The following TBC1D12 variants were observed in gnomAD, a reference collection of about 807,000 sequenced individuals.
The protein encoded by TBC1D12 is TBC1 domain family member 12, also known as TBC1 domain family, member 12.
TBC1D12 carries 56 observed loss-of-function variants against 86.7 expected under a neutral mutation model. The observed-to-expected ratio is 0.65, with a 90% CI of 0.52 to 0.81. The LOEUF is 0.81. Ranked by LOEUF, TBC1D12 falls within the 30% of genes least tolerant of loss-of-function variation. The pLI is 0.00. For missense variants in TBC1D12, 1,023 were observed against 1,038.8 expected (o/e 0.98, Z 0.21); for synonymous variants, 421 against 411.7 (o/e 1.02, Z -0.27).
At chr10:94,511,440 G>A in intron 8 of TBC1D12, 143 bp from the exon 9 acceptor site, 1 of 638,154 alleles carries the variant, frequency 1.6e-6, no homozygotes, top group African/African-American at 1.9e-5. Context: ...AAAACATCTT[G>A]GCAGAGTACA....
intron 1 of TBC1D12, among the ~76,000 whole-genome samples, chr10:94,431,416 AAAAAAAAAAG>A (rs2055213273): frequency 7.7e-6 from 1 of 130,688 alleles, no homozygotes; most frequent in South Asian, 3.0e-4. Context: ...CTCTTAAAAA[AAAAAAAAAAG>A]AAAAGAAAGA....
chr10:94,498,775 T>G (rs1398790746), intron 5 of TBC1D12, among the ~76,000 whole-genome samples: 1 of 146,056 alleles, frequency 6.8e-6, no homozygotes, highest in African/African-American at 2.5e-5. Context: ...TTTTTGAGGG[T>G]TTTTTTTTTT....
chr10:94,470,828 A>T (rs1018559447), intron 2 of TBC1D12, among the ~76,000 whole-genome samples: 44 of 149,462 alleles, frequency 2.9e-4, no homozygotes, highest in African/African-American at 1.1e-3. Context: ...AATCTGTGCT[A>T]TTTTCTGATA....
chr10:94,460,138 A>G (rs1295463796), intron 2 of TBC1D12, among the ~76,000 whole-genome samples: 3 of 152,234 alleles, frequency 2.0e-5, no homozygotes, highest in Non-Finnish European at 4.4e-5. Context: ...ATGCTGAGGC[A>G]GGAGAATCGC....
rs552263728 is a variant in TBC1D12 at position 94,421,930 on chromosome 10, C to A, written c.971+18346C>A. ...TTCTTTACCTATTTTGGATTCTAGA[C>A]CCTTATCAGATAAATGATTTGCAAT... is the stretch of plus-strand genomic sequence containing the variant. On this transcript the variant is annotated intron_variant, in intron 1 of 12. Coordinates refer to ENST00000225235, the MANE Select transcript of TBC1D12 (RefSeq NM_015188.2). Among the ~76,000 whole-genome samples, 235 of 152,242 alleles carry A rather than the reference C, an allele frequency of 1.5e-3. 1 individual carries two copies. The highest frequency in any genetic ancestry group is 2.7e-3 in the Non-Finnish European group (186 of 68,024).
At chr10:94,442,079 CTTCTT>C (rs966509957) in intron 2 of TBC1D12, 60 bp downstream of exon 2, 88 of 1,317,196 alleles carry the variant, frequency 6.7e-5, no homozygotes, top group East Asian at 4.0e-4. Flanking sequence ...TCTTCTTCTT[CTTCTT>C]TTTTTTTTTT....
At chr10:94,407,788 C>T (rs935984261) in intron 1 of TBC1D12, among the ~76,000 whole-genome samples, 3 of 151,958 alleles carry the variant, frequency 2.0e-5, no homozygotes, top group Non-Finnish European at 2.9e-5. Context: ...CCCAAAGATC[C>T]ATTTGTTACT....
chr10:94,486,139 C>CTTCTTT (rs2056158978), intron 3 of TBC1D12, among the ~76,000 whole-genome samples: 1 of 108,426 alleles, frequency 9.2e-6, no homozygotes, highest in African/African-American at 3.5e-5. Context: ...TCTTCTTCTT[C>CTTCTTT]TTTTTTTTTT....
At chr10:94,418,277 C>A (rs968154968) in intron 1 of TBC1D12, among the ~76,000 whole-genome samples, 2 of 152,144 alleles carry the variant, frequency 1.3e-5, no homozygotes, top group African/African-American at 4.8e-5. Context: ...GCAAAACAGT[C>A]CATGTTTAAA....
At chr10:94,507,189 T>C in intron 6 of TBC1D12, 78 bp from the exon 7 acceptor site, 1 of 1,419,290 alleles carries the variant, frequency 7.0e-7, no homozygotes, top group East Asian at 2.4e-5. Context: ...CTGTAATAGG[T>C]AAAGAGTAAA....
At chr10:94,413,294 T>C (rs965574753) in intron 1 of TBC1D12, among the ~76,000 whole-genome samples, 6 of 152,244 alleles carry the variant, frequency 3.9e-5, no homozygotes, top group Admixed American at 2.6e-4. Flanking sequence ...AAAAATCTTT[T>C]ATTTTCATTT....
chr10:94,518,096 G>C (rs1842048275), intron 9 of TBC1D12, among the ~76,000 whole-genome samples: 1 of 152,114 alleles, frequency 6.6e-6, no homozygotes, highest in African/African-American at 2.4e-5. Context: ...GGATGTTGTA[G>C]TGAGCCGAGA....
chr10:94,523,883 T>TG (rs1015966659), intron 11 of TBC1D12, among the ~76,000 whole-genome samples: 3 of 152,132 alleles, frequency 2.0e-5, no homozygotes, highest in African/African-American at 7.2e-5. Context: ...GTGGGAGGAT[T>TG]GCTTGAGCAC....
At chr10:94,411,851 G>A (rs534330048) in intron 1 of TBC1D12, among the ~76,000 whole-genome samples, 2 of 152,294 alleles carry the variant, frequency 1.3e-5, no homozygotes, top group East Asian at 1.9e-4. Flanking sequence ...ACAGTTACTC[G>A]GGAGGCTGAA....
chr10:94,528,513 C>A (rs922792588), intron 11 of TBC1D12, among the ~76,000 whole-genome samples: 1 of 152,116 alleles, frequency 6.6e-6, no homozygotes, highest in African/African-American at 2.4e-5. Flanking sequence ...AGCAGTTGAT[C>A]TTAAGACAGG....
chr10:94,403,167 C>G lies in TBC1D12; in HGVS notation c.554C>G (p.Ala185Gly), dbSNP rs896960306. Residue 185 changes from alanine (A) to glycine (G), a missense_variant, in exon 1 of 13, where the codon GCG becomes GGG. By Grantham distance (60) the Ala-to-Gly change is moderately conservative. This residue lies in a region of TBC1D12 where 628 missense variants were observed against 531.1 expected (regional missense o/e 1.18). Transcript: ENST00000225235. Reference sequence around the variant, plus strand: ...CCTGGCGACGAGGACGCGGACGGCGCGGGAAGCCCGTCCGATTGGGCCTCT... The same window carrying G: ...CCTGGCGACGAGGACGCGGACGGCGGGGGAAGCCCGTCCGATTGGGCCTCT... ...EGPGDEDADG[A>G]GSPSDWASPL... 6.2e-6 allele frequency: 9 copies of G among 1,453,302 alleles called. No homozygotes were observed. The highest frequency in any genetic ancestry group is 7.2e-6 in the Non-Finnish European group (8 of 1,108,142). The allele number at this position is 1,453,302 out of a possible 1,614,324, so 90.0% of individuals were successfully genotyped here.
intron 2 of TBC1D12, among the ~76,000 whole-genome samples, chr10:94,459,666 C>T (rs543918892): frequency 1.9e-4 from 29 of 152,274 alleles, no homozygotes; most frequent in African/African-American, 4.8e-4. Flanking sequence ...TGAGGCCCAG[C>T]GAGAATTTGA....
At chr10:94,522,286 A>G in intron 10 of TBC1D12, 58 bp from the exon 11 acceptor site, 1 of 1,120,824 alleles carries the variant, frequency 8.9e-7, no homozygotes, top group Non-Finnish European at 1.2e-6. Context: ...TTAAGCGTTT[A>G]ATTTCTTTAT....
intron 3 of TBC1D12, among the ~76,000 whole-genome samples, chr10:94,479,041 A>G (rs1202977153): frequency 2.6e-5 from 4 of 152,234 alleles, no homozygotes; most frequent in Non-Finnish European, 5.9e-5. Flanking sequence ...AAATACAGCT[A>G]TCAATCAATT....
Sources: allele counts gnomAD v4.1 joint callset (sites outside exome capture counted in the v4.1 genomes callset), GRCh38; gene constraint gnomAD v4.1.1; regional missense constraint gnomAD v4.1.1; transcripts MANE v1.5; gene names NCBI Gene and HGNC (gene_info 2026-07-23, HGNC 2026-07-21).